The following GTPBP6 variants were observed in gnomAD, a reference collection of about 807,000 sequenced individuals.
The protein encoded by GTPBP6 is putative GTP-binding protein 6.
A neutral mutation model predicts 28.9 loss-of-function variants in GTPBP6; 33 were observed. The ratio of observed to expected loss-of-function variants is 1.14; its 90% confidence interval spans 0.87 to 1.53. GTPBP6 has a LOEUF of 1.53. Ranked by LOEUF, GTPBP6 falls within the 40% of genes most tolerant of loss-of-function variation. GTPBP6 has a pLI of 0.00. For missense variants in GTPBP6, 507 were observed against 408.3 expected (o/e 1.24, Z -2.08); for synonymous variants, 231 against 192.7 (o/e 1.20, Z -1.65).
rs1219525891 is a variant in GTPBP6, at chrX:312,942, T to TGGTGAGGC, written c.758-26_758-19dup. On this transcript the variant is annotated intron_variant, in intron 5 of 9. Coordinates refer to ENST00000326153, the Ensembl canonical transcript of GTPBP6. Reference sequence around the variant, plus strand: ...GGATTCTCCTAAAAGACACCCGAGATGGTGAGGCGGTGAGCCACGCCGGGA... The same window carrying TGGTGAGGC: ...GGATTCTCCTAAAAGACACCCGAGATGGTGAGGCGGTGAGGCGGTGAGCCACGCCGGGA... 2.5e-6 allele frequency: 4 copies of TGGTGAGGC among 1,604,096 alleles called. No homozygotes were observed. The highest frequency in any genetic ancestry group is 1.3e-5 in the African/African-American group (1 of 74,686).
chrX:304,864 T>C (rs2070119645), exon 10 of GTPBP6: 5 of 1,430,436 alleles, frequency 3.5e-6, no homozygotes, highest in Non-Finnish European at 4.6e-6. Flanking sequence ...AGGCTTGGAG[T>C]GGACGCTCGG....
intron 1 of GTPBP6, 87 bp downstream of exon 1, chrX:318,352 A>C: frequency 5.3e-6 from 2 of 375,196 alleles, no homozygotes; most frequent in Non-Finnish European, 4.6e-6. Flanking sequence ...CCGCCCCTGA[A>C]TCTCCACCTA....
chrX:311,418 C>A lies in GTPBP6; in HGVS notation c.1125+1G>T, dbSNP rs1257634458. ...CCGATCCCCGGCCGTCCCACGCTCA[C>A]CGAGTGGGCCACGTCTTCCAGGGTG... On this transcript the variant is annotated splice_donor_variant, in intron 7 of 9. Coordinates refer to ENST00000326153, the Ensembl canonical transcript of GTPBP6. LOFTEE classifies it high-confidence loss of function. The A allele has an allele frequency of 1.2e-6, 2 of 1,607,946 alleles. No homozygotes were observed. The highest frequency in any genetic ancestry group is 1.7e-5 in the Admixed American group (1 of 59,740).
intron 7 of GTPBP6, among the ~76,000 whole-genome samples, chrX:309,368 A>G (rs1027442098): frequency 6.6e-6 from 1 of 152,148 alleles, no homozygotes; most frequent in African/African-American, 2.4e-5. Flanking sequence ...ATGGGACCCT[A>G]CCCAGAATTA....
At position 305,171 on chromosome X, in the gene GTPBP6, T is replaced by C. The variant is rs762811665; in HGVS notation, c.1454A>G (p.Gln485Arg). The C allele has an allele frequency of 1.2e-5, 19 of 1,613,588 alleles. No individual in the cohort carries two copies. The Admixed American group carries it at 2.8e-4, about 24-fold the overall frequency. Residue 485 changes from glutamine to arginine, a missense_variant, in exon 10 of 10, where the codon CAG becomes CGG. Transcript: ENST00000326153. ...GTCCTCAGGGATCACGTCCACCTCC[T>C]GAACTGTGGCCTCCTTATACAGCCA...
chrX:308,597 T>G (rs1219104629), intron 7 of GTPBP6, among the ~76,000 whole-genome samples: 1 of 151,972 alleles, frequency 6.6e-6, no homozygotes, highest in Non-Finnish European at 1.5e-5. Flanking sequence ...GGAGGATCAC[T>G]TGAGCCCAGG....
chrX:310,917 C>A (rs28680930), intron 7 of GTPBP6, among the ~76,000 whole-genome samples: 1 of 144,514 alleles, frequency 6.9e-6, no homozygotes, highest in Admixed American at 7.4e-5. Context: ...ACTGCCCGCA[C>A]GTCTGTGACA....
Position 312,727 on chromosome X carries a change from G to A in GTPBP6, c.916+39C>T, listed in dbSNP as rs368989179. Reference sequence around the variant, plus strand: ...CCGGGCGAGTCCTCACCGGTGACACGGAGACCGCGGAAGGCCCCTCCCCTG... The same window carrying A: ...CCGGGCGAGTCCTCACCGGTGACACAGAGACCGCGGAAGGCCCCTCCCCTG... On this transcript the variant is annotated intron_variant, in intron 6 of 9. Coordinates refer to ENST00000326153, the Ensembl canonical transcript of GTPBP6. The A allele has an allele frequency of 5.8e-3, 8,273 of 1,419,506 alleles. 35 individuals are homozygous for A. Among genetic ancestry groups the A allele is most frequent in the African/African-American group, 0.017 (1,073 of 64,438 alleles). The allele number at this position is 1,419,506 out of a possible 1,614,324, so 87.9% of individuals were successfully genotyped here.
intron 9 of GTPBP6, among the ~76,000 whole-genome samples, chrX:305,456 G>A (rs758640341): frequency 5.4e-4 from 82 of 151,552 alleles, no homozygotes; most frequent in African/African-American, 1.9e-3. Flanking sequence ...CGAGTAGCTG[G>A]GACTACAGGT....
intron 4 of GTPBP6, 140 bp downstream of exon 4, chrX:314,750 A>T: frequency 2.5e-6 from 1 of 393,010 alleles, no homozygotes; most frequent in Non-Finnish European, 4.5e-6. Context: ...TGCTGGGATG[A>T]CAGGCGTGAG....
chrX:317,862 C>T (rs1275965043), intron 1 of GTPBP6, among the ~76,000 whole-genome samples: 3 of 148,988 alleles, frequency 2.0e-5, no homozygotes, highest in Admixed American at 2.0e-4. Flanking sequence ...CCCCTCTTCC[C>T]CATAAGCCCC....
intron 7 of GTPBP6, among the ~76,000 whole-genome samples, chrX:309,294 C>A (rs1188959087): frequency 6.6e-6 from 1 of 152,086 alleles, no homozygotes; most frequent in Non-Finnish European, 1.5e-5. Context: ...ACCCTACGGC[C>A]GGGGGCAGTT....
At chrX:308,262 A>T (rs779908746) in intron 7 of GTPBP6, among the ~76,000 whole-genome samples, 1 of 152,196 alleles carries the variant, frequency 6.6e-6, no homozygotes, top group South Asian at 2.1e-4. Flanking sequence ...TCTTTAAAGG[A>T]TGCTTTTTTT....
At chrX:307,414 G>C in exon 9 of GTPBP6, 1 of 1,612,398 alleles carries the variant, frequency 6.2e-7, no homozygotes, top group Non-Finnish European at 8.5e-7. Context: ...TCTCCCCGTC[G>C]CCTTCAAAAC....
chrX:314,368 CTG>C (rs1365095973), intron 4 of GTPBP6, 151 bp from the exon 5 acceptor site: 17 of 711,292 alleles, frequency 2.4e-5, no homozygotes, highest in Middle Eastern at 3.6e-4. Context: ...AGCTCACACA[CTG>C]TGAGTGACGC....
At chrX:314,422 G>A (rs1032260410) in intron 4 of GTPBP6, among the ~76,000 whole-genome samples, 1 of 152,160 alleles carries the variant, frequency 6.6e-6, no homozygotes, top group African/African-American at 2.4e-5. Flanking sequence ...GGAGCCGGGG[G>A]CAGGCAGTGG....
intron 7 of GTPBP6, among the ~76,000 whole-genome samples, chrX:310,871 T>TC (rs1476494884): frequency 1.3e-5 from 2 of 151,980 alleles, no homozygotes; most frequent in African/African-American, 4.8e-5. Context: ...GTCTCGGTGT[T>TC]CATCGATCCT....
chrX:311,763 T>G (rs1569350871), intron 6 of GTPBP6, 136 bp from the exon 7 acceptor site: 1 of 728,200 alleles, frequency 1.4e-6, no homozygotes, highest in Non-Finnish European at 2.4e-6. Context: ...CCTGAGCTCC[T>G]CGGGCACCCC....
At chrX:311,997 G>A in intron 6 of GTPBP6, 2 of 526,014 alleles carry the variant, frequency 3.8e-6, no homozygotes, top group Non-Finnish European at 3.6e-6. Context: ...GTAGACACAG[G>A]GGAGGTGATG....
Sources: gnomAD v4.1 joint callset for allele counts (sites outside exome capture counted in the v4.1 genomes callset) on GRCh38, gnomAD v4.1.1 for gene constraint, MANE v1.5 for transcripts, NCBI Gene and HGNC (gene_info 2026-07-23, HGNC 2026-07-21) for gene names.